The following NUP62CL variants were observed in gnomAD, a reference collection of about 807,000 sequenced individuals.
NUP62CL encodes nucleoporin-62 C-terminal-like protein.
NUP62CL carries 13 observed loss-of-function variants against 15.3 expected under a neutral mutation model. The observed-to-expected ratio is 0.85, with a 90% CI of 0.55 to 1.35. The LOEUF (loss-of-function observed/expected upper bound fraction) is 1.35. Ranked by LOEUF, NUP62CL falls within the 40% of genes most tolerant of loss-of-function variation. The probability of loss-of-function intolerance (pLI) is 0.00; values close to 1 mark genes in which losing one functional copy is unlikely to be tolerated. For missense variants in NUP62CL, 123 were observed against 130.6 expected (o/e 0.94, Z 0.28); for synonymous variants, 54 against 49.2 (o/e 1.10, Z -0.41).
At chrX:107,131,523 T>C in intron 8 of NUP62CL, 1 of 337,780 alleles carries the variant, frequency 3.0e-6, no homozygotes. Flanking sequence ...CGATAACAAC[T>C]AGGGTTTTTA....
At chrX:107,194,741 G>A (rs180994319) in intron 1 of NUP62CL, among the ~76,000 whole-genome samples, 67 of 107,860 alleles carry the variant, frequency 6.2e-4, no homozygotes, top group African/African-American at 2.1e-3. Flanking sequence ...TTAGAAAAAC[G>A]TATAAGCAAA....
chrX:107,185,705 AT>A (rs2147813422), intron 2 of NUP62CL, among the ~76,000 whole-genome samples: 1 of 112,180 alleles, frequency 8.9e-6, no homozygotes, highest in African/African-American at 3.2e-5. Context: ...AATTTAAAAA[AT>A]GACACACTTA....
intron 4 of NUP62CL, among the ~76,000 whole-genome samples, chrX:107,155,287 T>C (rs1849738601): frequency 8.9e-6 from 1 of 112,227 alleles, no homozygotes; most frequent in Non-Finnish European, 1.9e-5. Flanking sequence ...AATGAAGTGA[T>C]ATGAAACAAA....
intron 2 of NUP62CL, among the ~76,000 whole-genome samples, chrX:107,184,198 C>G (rs1284226269): frequency 9.2e-6 from 1 of 108,626 alleles, no homozygotes; most frequent in African/African-American, 3.4e-5. Context: ...TTAAAAATTA[C>G]AAAGATTTTA....
At position 107,127,306 on chromosome X, in the gene NUP62CL, G is replaced by C. The variant is rs748644462; in HGVS notation, c.*43-2974C>G. 9.8e-5 allele frequency among the ~76,000 whole-genome samples: 11 copies of C among 111,749 alleles called. No homozygotes were observed. In the South Asian group the frequency reaches 4.1e-3, roughly 42 times the overall value. On this transcript the variant is annotated intron_variant, in intron 8 of 8. Coordinates refer to ENST00000372466, the MANE Select transcript of NUP62CL (RefSeq NM_017681.3). ...GTTGCATGGGGTTTGGGATAGAAAT[G>C]GGGAATAACTGCAAATGGCCAAGAG... is the stretch of plus-strand genomic sequence containing the variant.
intron 8 of NUP62CL, among the ~76,000 whole-genome samples, chrX:107,144,982 TTAAG>T (rs904688986): frequency 2.7e-5 from 3 of 111,491 alleles, no homozygotes; most frequent in African/African-American, 9.7e-5. Context: ...CTCAGAGAGA[TTAAG>T]TAACAATTAA....
chrX:107,198,164 T>G (rs1927398208), intron 1 of NUP62CL, among the ~76,000 whole-genome samples: 1 of 111,755 alleles, frequency 8.9e-6, no homozygotes, highest in Non-Finnish European at 1.9e-5. Context: ...ACCAGTGCTC[T>G]GTGTCTAGCT....
intron 1 of NUP62CL, among the ~76,000 whole-genome samples, chrX:107,196,661 G>T (rs1310102763): frequency 1.8e-5 from 2 of 111,391 alleles, no homozygotes; most frequent in African/African-American, 6.5e-5. Flanking sequence ...TGTTGATCAG[G>T]CTGGTCTCAA....
At chrX:107,191,849 CACTA>C (rs886966307) in intron 2 of NUP62CL, among the ~76,000 whole-genome samples, 14 of 112,148 alleles carry the variant, frequency 1.2e-4, no homozygotes, top group African/African-American at 3.6e-4. Context: ...TTTTTTTCCA[CACTA>C]ACCAACTACA....
At chrX:107,199,451 A>C (rs182687589) in intron 1 of NUP62CL, among the ~76,000 whole-genome samples, 14 of 112,434 alleles carry the variant, frequency 1.2e-4, no homozygotes, top group African/African-American at 4.5e-4. Flanking sequence ...CAAAGTATAA[A>C]TGATTTTGAG....
chrX:107,134,647 T>A (rs1925597718), intron 8 of NUP62CL, among the ~76,000 whole-genome samples: 1 of 108,471 alleles, frequency 9.2e-6, no homozygotes, highest in Admixed American at 9.9e-5. Flanking sequence ...AGAGACGGGG[T>A]TTTGTCGTGT....
intron 8 of NUP62CL, among the ~76,000 whole-genome samples, chrX:107,145,359 T>C (rs1288943146): frequency 4.5e-5 from 5 of 111,252 alleles, no homozygotes; most frequent in African/African-American, 1.6e-4. Flanking sequence ...CCCATTTGTC[T>C]TAATTCCTTA....
chrX:107,177,691 A>G (rs777009419), intron 2 of NUP62CL, among the ~76,000 whole-genome samples: 12 of 111,448 alleles, frequency 1.1e-4, no homozygotes, highest in Non-Finnish European at 2.3e-4. Context: ...ACTACATTAT[A>G]CCCATTAGGA....
At chrX:107,195,957 C>T (rs1377482577) in intron 1 of NUP62CL, among the ~76,000 whole-genome samples, 1 of 110,972 alleles carries the variant, frequency 9.0e-6, no homozygotes, top group African/African-American at 3.3e-5. Context: ...GTTGTCAAAC[C>T]ATGGTGGGTG....
intron 7 of NUP62CL, among the ~76,000 whole-genome samples, chrX:107,149,482 G>A (rs1174081574): frequency 1.8e-5 from 2 of 111,624 alleles, no homozygotes; most frequent in South Asian, 3.7e-4. Context: ...GTACAGAATG[G>A]CATAATTTTT....
intron 2 of NUP62CL, among the ~76,000 whole-genome samples, chrX:107,189,881 G>GAA (rs1488394685): frequency 2.7e-5 from 1 of 36,765 alleles, no homozygotes; most frequent in African/African-American, 1.1e-4. Context: ...AGAAAGAAAA[G>GAA]AAAGAAAGAA....
intron 4 of NUP62CL, among the ~76,000 whole-genome samples, chrX:107,164,924 C>T (rs1420681129): frequency 3.6e-5 from 4 of 112,229 alleles, no homozygotes; most frequent in African/African-American, 1.3e-4. Flanking sequence ...CACGGTGAAA[C>T]CCCGTCTCTA....
At chrX:107,151,321 T>C (rs1926004769) in intron 7 of NUP62CL, among the ~76,000 whole-genome samples, 1 of 111,750 alleles carries the variant, frequency 8.9e-6, no homozygotes, top group Non-Finnish European at 1.9e-5. Flanking sequence ...TATTTAGGGT[T>C]TGGCAATATT....
intron 8 of NUP62CL, among the ~76,000 whole-genome samples, chrX:107,134,887 T>A (rs1206604841): frequency 1.8e-5 from 2 of 111,953 alleles, no homozygotes; most frequent in Non-Finnish European, 3.8e-5. Flanking sequence ...TTAATTTTTT[T>A]ATTTTTTGAT....
Sources: allele counts gnomAD v4.1 joint callset (sites outside exome capture counted in the v4.1 genomes callset), GRCh38; gene constraint gnomAD v4.1.1; transcripts MANE v1.5; gene names NCBI Gene and HGNC (gene_info 2026-07-23, HGNC 2026-07-21).